The following SECISBP2 variants were observed in gnomAD, a reference collection of about 807,000 sequenced individuals.
SECISBP2 encodes selenocysteine insertion sequence-binding protein 2.
SECISBP2 carries 96 observed loss-of-function variants against 98.2 expected under a neutral mutation model. The observed-to-expected ratio is 0.98, with a 90% CI of 0.83 to 1.16. The LOEUF (loss-of-function observed/expected upper bound fraction) is 1.16. SECISBP2 is among the 50% of genes most tolerant of loss of function. The pLI, the probability that SECISBP2 is intolerant of heterozygous loss-of-function variation, is 0.00. For synonymous variants in SECISBP2, 407 were observed against 370.2 expected (o/e 1.10, Z -1.14); for missense variants, 1,046 against 1,022.9 (o/e 1.02, Z -0.31).
chr9:89,338,515 A>G lies in SECISBP2; in HGVS notation c.1147A>G (p.Lys383Glu), dbSNP rs1187307044. 1 of 1,613,402 alleles carries G rather than the reference A, an allele frequency of 6.2e-7. No homozygotes were observed. The highest frequency in any genetic ancestry group is 1.1e-5 in the South Asian group (1 of 90,944). Residue 383 changes from lysine to glutamate, a missense_variant, in exon 8 of 17, where the codon AAA (lysine) becomes GAA (glutamate). Coordinates refer to ENST00000375807, the MANE Select transcript of SECISBP2 (RefSeq NM_024077.5). ...EQNEASRKNK[K>E]KKEKSTSKYE... ...AAATGAAGCCTCAAGAAAGAATAAG[A>G]AAAAGAAAGAAAAATCTACATCAAA...
chr9:89,328,929 T>G, intron 5 of SECISBP2, 43 bp downstream of exon 5: 1 of 1,452,404 alleles, frequency 6.9e-7, no homozygotes, highest in Non-Finnish European at 9.6e-7. Context: ...CTTTGTACAC[T>G]TTAAATTGTC....
chr9:89,360,960 A>G (rs1476269335), downstream of SECISBP2: 1 of 152,396 alleles, frequency 6.6e-6, no homozygotes, highest in South Asian at 2.1e-4. Flanking sequence ...GAGAAGAGAC[A>G]GAAAACAGCA....
intron 14 of SECISBP2, among the ~76,000 whole-genome samples, chr9:89,351,538 A>G (rs756317841): frequency 1.3e-5 from 2 of 152,120 alleles, no homozygotes; most frequent in Non-Finnish European, 2.9e-5. Context: ...AGGCTAGGGA[A>G]CACTCACAAG....
At chr9:89,360,821 G>T (rs1832704892), downstream of SECISBP2, 1 of 152,152 alleles carries the variant, frequency 6.6e-6, no homozygotes, top group Non-Finnish European at 1.5e-5. Flanking sequence ...ATTTTTTCCA[G>T]CAGAGCAAAG....
the SECISBP2 span, among the ~76,000 whole-genome samples, chr9:89,365,973 G>T: frequency 6.6e-5 from 10 of 152,162 alleles, no homozygotes; most frequent in South Asian, 4.1e-4. Context: ...ACCAGAGAAT[G>T]CTCCTCCCAA....
intron 10 of SECISBP2, among the ~76,000 whole-genome samples, chr9:89,345,103 G>A (rs1307616369): frequency 6.6e-6 from 1 of 152,102 alleles, no homozygotes; most frequent in Non-Finnish European, 1.5e-5. Flanking sequence ...TTCACTTTTT[G>A]GAGGTTAGTT....
chr9:89,330,240 A>G (rs1827520115), intron 5 of SECISBP2: 1 of 152,242 alleles, frequency 6.6e-6, no homozygotes, highest in African/African-American at 2.4e-5. Flanking sequence ...AACTTATTAC[A>G]GCAGGTTAAT....
At position 89,338,509 on chromosome 9, in the gene SECISBP2, A is replaced by C. The variant is rs763485149; in HGVS notation, c.1141A>C (p.Asn381His). 26 of 1,613,544 alleles carry C rather than the reference A, an allele frequency of 1.6e-5. 1 individual carries two copies. The South Asian group carries it at 2.7e-4, about 17-fold the overall frequency. ...DLEQNEASRK[N>H]KKKKEKSTSK... ...TGAACAAAATGAAGCCTCAAGAAAG[A>C]ATAAGAAAAAGAAAGAAAAATCTAC... The change falls in exon 8 of 17, where the codon AAT becomes CAT. Residue 381 changes from asparagine to histidine, a missense_variant. By Grantham distance (68) the Asn-to-His change is moderately conservative. Coordinates refer to ENST00000375807, the MANE Select transcript of SECISBP2 (RefSeq NM_024077.5).
Position 89,341,478 on chromosome 9 carries a change from A to G in SECISBP2, c.1434A>G (p.Ser478=), listed in dbSNP as rs377192126. Residue 478 remains serine, a splice_region_variant and synonymous_variant, in exon 10 of 17, where the codon TCA becomes TCG. Transcript: ENST00000375807. ...AGTCCTCCAAACCAGTGGTAGTCTCAGGTAAGAGAGTCTTTCCATCTCAGG... is the reference window on the plus strand; with the variant it reads ...AGTCCTCCAAACCAGTGGTAGTCTCGGGTAAGAGAGTCTTTCCATCTCAGG... ...AKQSSKPVVV[S]VGAVPVLSKE... is the part of the protein sequence containing the mutation. 1.2e-6 allele frequency: 2 copies of G among 1,612,992 alleles called. No homozygotes were observed. The highest frequency in any genetic ancestry group is 1.7e-5 in the Admixed American group (1 of 60,010).
At chr9:89,355,608 A>G (rs1401827739) in intron 14 of SECISBP2, 3 of 971,366 alleles carry the variant, frequency 3.1e-6, no homozygotes, top group South Asian at 4.8e-5. Flanking sequence ...AAAATTGGCC[A>G]TGCAGAGACT....
intron 5 of SECISBP2, chr9:89,332,526 C>T (rs1026367095): frequency 4.1e-5 from 11 of 270,768 alleles, no homozygotes; most frequent in African/African-American, 2.5e-4. Context: ...ATTGTCTCCA[C>T]AGTTTTGTCT....
chr9:89,344,018 G>T (rs1450270560), intron 10 of SECISBP2, among the ~76,000 whole-genome samples: 1 of 152,168 alleles, frequency 6.6e-6, no homozygotes, highest in Non-Finnish European at 1.5e-5. Flanking sequence ...CATTCTGACT[G>T]ATGTGAGATG....
chr9:89,349,679 G>A, intron 12 of SECISBP2, 97 bp from the exon 13 acceptor site: 1 of 1,278,920 alleles, frequency 7.8e-7, no homozygotes. Flanking sequence ...GTTGTGTGCA[G>A]GGGTCTGGTT....
At chr9:89,363,496 C>CG, downstream of SECISBP2, 1 of 1,614,106 alleles carries the variant, frequency 6.2e-7, no homozygotes, top group Non-Finnish European at 8.5e-7. Flanking sequence ...AGGCAGAGAG[C>CG]TCTCTGGTCC....
At chr9:89,355,344 T>C in intron 14 of SECISBP2, 1 of 985,464 alleles carries the variant, frequency 1.0e-6, no homozygotes, top group South Asian at 4.7e-5. Flanking sequence ...TGCTGTGCCT[T>C]CCTCCAGAGA....
At chr9:89,338,372 A>G in intron 7 of SECISBP2, 86 bp from the exon 8 acceptor site, 1 of 1,459,010 alleles carries the variant, frequency 6.9e-7, no homozygotes, top group South Asian at 1.2e-5. Context: ...ATAGGACTTG[A>G]TATCTTAATT....
chr9:89,348,128 CTG>C lies in SECISBP2; in HGVS notation c.1655_1656del (p.Val552GlufsTer7), dbSNP rs750960818. 5.0e-6 allele frequency: 8 copies of C among 1,613,770 alleles called. No homozygotes were observed. In the South Asian group the frequency reaches 5.5e-5, roughly 11 times the overall value. On this transcript the variant is annotated frameshift_variant, in exon 12 of 17. Coordinates refer to ENST00000375807, the MANE Select transcript of SECISBP2 (RefSeq NM_024077.5). LOFTEE classifies it high-confidence loss of function. Reference sequence around the variant, plus strand: ...AGAAAGCAGCGTCTCCAAGAAAATGCTGTGAGTCCAGCTTTTACCAGTGATGA... The same window carrying C: ...AGAAAGCAGCGTCTCCAAGAAAATGCTGAGTCCAGCTTTTACCAGTGATGA...
At chr9:89,320,343 G>A (rs971349811) in intron 2 of SECISBP2, among the ~76,000 whole-genome samples, 31 of 125,346 alleles carry the variant, frequency 2.5e-4, no homozygotes, top group East Asian at 2.2e-3. Context: ...CTGACAGAGT[G>A]AGACTCTGTC....
At position 89,357,463 on chromosome 9, in the gene SECISBP2, C is replaced by T. The variant is rs374131981; in HGVS notation, c.2166C>T (p.Asn722=). The T allele has an allele frequency of 3.1e-6, 5 of 1,614,178 alleles. No homozygotes were observed. Among genetic ancestry groups the T allele is most frequent in the Non-Finnish European group, 4.2e-6 (5 of 1,180,020 alleles). ...HTIIDYACEQ[N]IPFVFALNRK... is the part of the protein sequence containing the mutation. ...TTATTGATTATGCCTGTGAGCAGAA[C>T]ATTCCCTTTGTGTTTGCTCTCAACC... Residue 722 remains asparagine (N), a synonymous_variant, in exon 15 of 17, where the codon AAC becomes AAT. Transcript: ENST00000375807.
Sources: gnomAD v4.1 joint callset for allele counts (sites outside exome capture counted in the v4.1 genomes callset) on GRCh38, gnomAD v4.1.1 for gene constraint, MANE v1.5 for transcripts, NCBI Gene and HGNC (gene_info 2026-07-23, HGNC 2026-07-21) for gene names.